ADAMTS12: variants seen among roughly 807,000 people sequenced by gnomAD.
The protein encoded by ADAMTS12 is ADAM metallopeptidase with thrombospondin type 1 motif 12.
A neutral mutation model predicts 167.8 loss-of-function variants in ADAMTS12; 118 were observed. The observed-to-expected ratio is 0.70, with a 90% confidence interval of 0.61 to 0.82. The LOEUF (loss-of-function observed/expected upper bound fraction) is 0.82. Ranked by LOEUF, ADAMTS12 falls within the 40% of genes least tolerant of loss-of-function variation. The pLI is 0.00. For synonymous variants in ADAMTS12, 704 were observed against 716.9 expected (o/e 0.98, Z 0.29); for missense variants, 1,916 against 1,998.8 (o/e 0.96, Z 0.79).
intron 2 of ADAMTS12, among the ~76,000 whole-genome samples, chr5:33,803,484 C>T (rs1003498041): frequency 2.6e-5 from 4 of 152,162 alleles, no homozygotes; most frequent in Admixed American, 6.5e-5. Context: ...CCTTAGGATG[C>T]CACCAACAAA....
At chr5:33,682,484 T>C (rs893200023) in intron 5 of ADAMTS12, among the ~76,000 whole-genome samples, 2 of 152,168 alleles carry the variant, frequency 1.3e-5, no homozygotes, top group Admixed American at 6.5e-5. Context: ...TCTCTTACAT[T>C]TATATAAGAC....
intron 3 of ADAMTS12, among the ~76,000 whole-genome samples, chr5:33,736,182 C>T (rs1369355740): frequency 1.3e-5 from 2 of 151,882 alleles, no homozygotes; most frequent in East Asian, 3.9e-4. Context: ...CCTGCCTCAG[C>T]CTCCCAAGTA....
intron 20 of ADAMTS12, among the ~76,000 whole-genome samples, chr5:33,560,423 C>T (rs528040995): frequency 9.2e-5 from 14 of 152,230 alleles, no homozygotes; most frequent in Admixed American, 6.5e-4. Context: ...CATTACTGGG[C>T]ATATACCCAA....
At chr5:33,591,958 C>A (rs1410124585) in intron 17 of ADAMTS12, among the ~76,000 whole-genome samples, 2 of 151,950 alleles carry the variant, frequency 1.3e-5, no homozygotes, top group Admixed American at 6.6e-5. Context: ...CGGTAGCTCA[C>A]GCCTGTAATC....
chr5:33,577,621 T>C (rs1746825918), intron 18 of ADAMTS12, among the ~76,000 whole-genome samples: 1 of 152,212 alleles, frequency 6.6e-6, no homozygotes, highest in Non-Finnish European at 1.5e-5. Context: ...AGAAAGCAAC[T>C]ATCATAACTC....
chr5:33,641,709 G>A, intron 11 of ADAMTS12, 101 bp downstream of exon 11: 1 of 1,181,494 alleles, frequency 8.5e-7, no homozygotes, highest in Non-Finnish European at 1.1e-6. Flanking sequence ...TAATTTACCT[G>A]GAGGAGGCTT....
rs182193673 is a variant in ADAMTS12, at chr5:33,683,246, T to C, written c.832-145A>G. On this transcript the variant is annotated intron_variant, in intron 4 of 23. Coordinates refer to ENST00000504830, the MANE Select transcript of ADAMTS12 (RefSeq NM_030955.4). ...TGGCGGTGTGCTAAGAAGAGTGAAA[T>C]ATGCCCACAGCTCATTCCACATTAC... The C allele has an allele frequency of 7.6e-4, 434 of 569,352 alleles. 3 individuals carry two copies. The East Asian group carries it at 0.012, about 16-fold the overall frequency. 35.3% of individuals were successfully genotyped at this position (569,352 alleles called of 1,614,324 possible).
intron 2 of ADAMTS12, among the ~76,000 whole-genome samples, chr5:33,846,392 T>A (rs1200298685): frequency 6.6e-6 from 1 of 152,208 alleles, no homozygotes; most frequent in East Asian, 1.9e-4. Flanking sequence ...TTCTCTAACC[T>A]GAAAATAAAA....
chr5:33,840,977 C>T (rs1748726024), intron 2 of ADAMTS12, among the ~76,000 whole-genome samples: 1 of 152,232 alleles, frequency 6.6e-6, no homozygotes, highest in East Asian at 1.9e-4. Flanking sequence ...TCCAGTCCTG[C>T]TGAACTGAGC....
intron 3 of ADAMTS12, among the ~76,000 whole-genome samples, chr5:33,705,472 A>G (rs540665123): frequency 2.7e-4 from 41 of 152,254 alleles, no homozygotes; most frequent in African/African-American, 8.2e-4. Flanking sequence ...CTCCCATCCA[A>G]CAAGTTGTGA....
At chr5:33,794,744 T>C (rs1210843152) in intron 2 of ADAMTS12, among the ~76,000 whole-genome samples, 1 of 152,194 alleles carries the variant, frequency 6.6e-6, no homozygotes, top group Non-Finnish European at 1.5e-5. Context: ...GGCAGGCATC[T>C]GAGGTACACA....
chr5:33,591,996 G>A (rs1326381319), intron 17 of ADAMTS12, among the ~76,000 whole-genome samples: 5 of 151,952 alleles, frequency 3.3e-5, no homozygotes, highest in African/African-American at 4.8e-5. Context: ...TGAGGTGGGC[G>A]GATCACCTGA....
At chr5:33,548,863 G>A (rs879522101) in intron 21 of ADAMTS12, among the ~76,000 whole-genome samples, 3 of 152,168 alleles carry the variant, frequency 2.0e-5, no homozygotes, top group Non-Finnish European at 2.9e-5. Context: ...GTCTGTAAGT[G>A]GCTCTCATCA....
intron 2 of ADAMTS12, among the ~76,000 whole-genome samples, chr5:33,859,110 CAGG>C (rs745773527): frequency 6.6e-6 from 1 of 152,176 alleles, no homozygotes; most frequent in Non-Finnish European, 1.5e-5. Context: ...GAGCTCACGG[CAGG>C]AGTTTTTTCA....
At chr5:33,736,073 T>C (rs941345946) in intron 3 of ADAMTS12, among the ~76,000 whole-genome samples, 2 of 151,952 alleles carry the variant, frequency 1.3e-5, no homozygotes, top group Non-Finnish European at 2.9e-5. Flanking sequence ...TTTTTTTCTT[T>C]TTTTTTGACA....
chr5:33,855,556 T>G (rs985846472), intron 2 of ADAMTS12, among the ~76,000 whole-genome samples: 1 of 152,182 alleles, frequency 6.6e-6, no homozygotes, highest in Non-Finnish European at 1.5e-5. Flanking sequence ...TTCATCTCGA[T>G]GTAAAGGTGG....
At chr5:33,886,120 A>C (rs1379656409) in intron 1 of ADAMTS12, among the ~76,000 whole-genome samples, 1 of 152,234 alleles carries the variant, frequency 6.6e-6, no homozygotes, top group Non-Finnish European at 1.5e-5. Flanking sequence ...TCACAGATTT[A>C]AACATGATTT....
At chr5:33,564,021 G>A (rs1215552141) in intron 19 of ADAMTS12, among the ~76,000 whole-genome samples, 1 of 152,222 alleles carries the variant, frequency 6.6e-6, no homozygotes, top group African/African-American at 2.4e-5. Context: ...TGTTAGCTCA[G>A]CTTTTACATC....
In ADAMTS12 at chr5:33,648,913, G is replaced by T; in HGVS notation, c.1388C>A (p.Ser463Tyr). ...GATCACTCCGGGGGCAATGACCTTGGACTTCAAGCCTTTCTTTTTAGGTAT... is the reference window on the plus strand; with the variant it reads ...GATCACTCCGGGGGCAATGACCTTGTACTTCAAGCCTTTCTTTTTAGGTAT... Reference protein sequence around the residue: ...DDIPKKKGLKSKVIAPGVIYD... With the variant: ...DDIPKKKGLKYKVIAPGVIYD... The change falls in exon 9 of 24, where the codon TCC (serine) becomes TAC (tyrosine). Residue 463 changes from serine (S) to tyrosine (Y), a missense_variant. Ser to Tyr is a moderately radical substitution (Grantham distance 144). Coordinates refer to ENST00000504830, the MANE Select transcript of ADAMTS12 (RefSeq NM_030955.4). 6.2e-7 allele frequency: 1 copy of T among 1,614,026 alleles called. No individual in the cohort carries two copies. Among genetic ancestry groups the T allele is most frequent in the Non-Finnish European group, 8.5e-7 (1 of 1,179,944 alleles).
Sources: gnomAD v4.1 joint callset for allele counts (sites outside exome capture counted in the v4.1 genomes callset) on GRCh38, gnomAD v4.1.1 for gene constraint, MANE v1.5 for transcripts, NCBI Gene and HGNC (gene_info 2026-07-23, HGNC 2026-07-21) for gene names.